SNTG2: variants seen among roughly 807,000 people sequenced by gnomAD.
SNTG2 encodes the protein gamma-2-syntrophin.
Under a neutral mutation model 70.9 loss-of-function variants are expected in SNTG2, and 74 were observed. That is an observed-to-expected ratio of 1.04 (90% CI 0.86 to 1.27). SNTG2 has a LOEUF of 1.27. Ranked by LOEUF, SNTG2 falls within the 50% of genes most tolerant of loss-of-function variation. The pLI is 0.00. For synonymous variants in SNTG2, 278 were observed against 273.8 expected (o/e 1.02, Z -0.15); for missense variants, 717 against 690.7 (o/e 1.04, Z -0.43).
chr2:1,136,141 T>C (rs1459182671), intron 4 of SNTG2, among the ~76,000 whole-genome samples: 1 of 152,160 alleles, frequency 6.6e-6, no homozygotes, highest in Non-Finnish European at 1.5e-5. Flanking sequence ...TGTGTGTACT[T>C]TCTTCTGTTA....
intron 14 of SNTG2, among the ~76,000 whole-genome samples, chr2:1,283,735 C>T (rs1679653279): frequency 6.6e-6 from 1 of 152,216 alleles, no homozygotes; most frequent in South Asian, 2.1e-4. Context: ...GACCATCACA[C>T]AGTAGGTATG....
intron 4 of SNTG2, among the ~76,000 whole-genome samples, chr2:1,127,693 G>GTGTGTGTA (rs754062151): frequency 6.6e-6 from 1 of 151,942 alleles, no homozygotes; most frequent in Non-Finnish European, 1.5e-5. Flanking sequence ...TCCAAGGGGT[G>GTGTGTGTA]TGTGTGTATG....
chr2:1,168,453 C>T (rs1253769708), intron 7 of SNTG2, among the ~76,000 whole-genome samples: 2 of 152,220 alleles, frequency 1.3e-5, no homozygotes, highest in African/African-American at 2.4e-5. Flanking sequence ...ATGGCACCCC[C>T]GCCAGAGGTT....
At chr2:1,317,812 T>A (rs77724121) in intron 16 of SNTG2, among the ~76,000 whole-genome samples, 2,325 of 37,964 alleles carry the variant, frequency 0.061, 987 homozygotes, top group Middle Eastern at 0.28. Flanking sequence ...GGATTTTCAT[T>A]TTTGGGATGC....
intron 9 of SNTG2, among the ~76,000 whole-genome samples, chr2:1,217,044 C>T (rs183484278): frequency 6.6e-5 from 10 of 152,010 alleles, no homozygotes; most frequent in Non-Finnish European, 1.2e-4. Context: ...CACCATGTGC[C>T]GACATCACCC....
At chr2:977,629 C>T (rs551088170) in intron 1 of SNTG2, among the ~76,000 whole-genome samples, 1 of 152,270 alleles carries the variant, frequency 6.6e-6, no homozygotes, top group African/African-American at 2.4e-5. Flanking sequence ...GCCTGTGAGT[C>T]GTAAGTCAGG....
intron 2 of SNTG2, among the ~76,000 whole-genome samples, chr2:1,085,206 G>A (rs1664604707): frequency 6.6e-6 from 1 of 152,122 alleles, no homozygotes; most frequent in Non-Finnish European, 1.5e-5. Context: ...AAAAATCAAG[G>A]AAGCTTTCGT....
intron 1 of SNTG2, among the ~76,000 whole-genome samples, chr2:1,025,396 T>C (rs1660421434): frequency 2.0e-5 from 3 of 152,156 alleles, no homozygotes; most frequent in African/African-American, 7.2e-5. Flanking sequence ...CTAGAATTCC[T>C]ATGATGAGAA....
intron 1 of SNTG2, among the ~76,000 whole-genome samples, chr2:953,138 G>T (rs560046716): frequency 6.6e-6 from 1 of 152,276 alleles, no homozygotes; most frequent in East Asian, 1.9e-4. Flanking sequence ...TTCGGTAACA[G>T]ACCTGTTTTG....
At chr2:1,213,052 A>G (rs1217858053) in intron 9 of SNTG2, among the ~76,000 whole-genome samples, 1 of 152,244 alleles carries the variant, frequency 6.6e-6, no homozygotes, top group East Asian at 1.9e-4. Context: ...GTCCAAGTAT[A>G]GGACCTCAAT....
At chr2:1,357,407 G>GT (rs1660909756) in intron 16 of SNTG2, among the ~76,000 whole-genome samples, 1 of 152,044 alleles carries the variant, frequency 6.6e-6, no homozygotes, top group Non-Finnish European at 1.5e-5. Context: ...CATGTGATTT[G>GT]TACCCCTATG....
intron 1 of SNTG2, among the ~76,000 whole-genome samples, chr2:961,338 T>C (rs113032831): frequency 0.02 from 2,989 of 152,200 alleles, 91 homozygotes; most frequent in African/African-American, 0.068. Flanking sequence ...ATATTTTTAG[T>C]AGAGATGGGG....
intron 1 of SNTG2, among the ~76,000 whole-genome samples, chr2:1,029,541 C>T (rs75562988): frequency 0.024 from 3,621 of 152,274 alleles, 67 homozygotes; most frequent in South Asian, 0.061. Context: ...TAGAAGTTTC[C>T]GCTAATCAGC....
At chr2:964,662 A>G (rs1485982390) in intron 1 of SNTG2, among the ~76,000 whole-genome samples, 1 of 152,114 alleles carries the variant, frequency 6.6e-6, no homozygotes, top group Non-Finnish European at 1.5e-5. Flanking sequence ...TGGGGAAGAG[A>G]CACTGGGTCC....
At chr2:1,222,508 G>A (rs929270107) in intron 9 of SNTG2, among the ~76,000 whole-genome samples, 77 of 138,908 alleles carry the variant, frequency 5.5e-4, no homozygotes, top group Admixed American at 1.1e-3. Context: ...GATGGAGGGC[G>A]TCTCCCTGTC....
chr2:1,114,301 C>A (rs561016509), intron 4 of SNTG2, among the ~76,000 whole-genome samples: 30 of 151,704 alleles, frequency 2.0e-4, no homozygotes, highest in Admixed American at 1.9e-3. Context: ...CCTTACAGTC[C>A]TTTGAGAAGG....
At chr2:1,257,906 G>A (rs1171960951) in intron 12 of SNTG2, among the ~76,000 whole-genome samples, 1 of 152,196 alleles carries the variant, frequency 6.6e-6, no homozygotes, top group African/African-American at 2.4e-5. Flanking sequence ...TGTATTTATA[G>A]CAACAAGTAA....
chr2:1,041,623 G>A (rs1026329395), intron 1 of SNTG2, among the ~76,000 whole-genome samples: 2 of 152,070 alleles, frequency 1.3e-5, no homozygotes, highest in African/African-American at 4.8e-5. Flanking sequence ...GTAAACATGA[G>A]CAGCACCTCC....
intron 16 of SNTG2, among the ~76,000 whole-genome samples, chr2:1,361,378 C>A (rs4496368): frequency 0.72 from 109,647 of 151,888 alleles, 39,874 homozygotes; most frequent in East Asian, 0.94. Flanking sequence ...TTGAAAACCA[C>A]AGCATGGCAA....
Sources: allele counts gnomAD v4.1 joint callset (sites outside exome capture counted in the v4.1 genomes callset), GRCh38; gene constraint gnomAD v4.1.1; transcripts MANE v1.5; gene names NCBI Gene and HGNC (gene_info 2026-07-23, HGNC 2026-07-21).